TMEM132B: variants seen among roughly 807,000 people sequenced by gnomAD.
TMEM132B encodes transmembrane protein 132B.
In TMEM132B, 18 loss-of-function variants were observed where a neutral mutation model predicts 90.8. That is an observed-to-expected ratio of 0.20 (90% CI 0.14 to 0.29). TMEM132B has a LOEUF of 0.29. TMEM132B is among the 10% of genes least tolerant of loss of function. The pLI, the probability that TMEM132B is intolerant of heterozygous loss-of-function variation, is 1.00. For missense variants in TMEM132B, 1,096 were observed against 1,326.8 expected (o/e 0.83, Z 2.70); for synonymous variants, 504 against 523.3 (o/e 0.96, Z 0.50).
At chr12:125,228,034 C>T (rs1873720659) in intron 1 of TMEM132B, among the ~76,000 whole-genome samples, 1 of 152,182 alleles carries the variant, frequency 6.6e-6, no homozygotes, top group Non-Finnish European at 1.5e-5. Flanking sequence ...CACGATGCTT[C>T]CTGGAATCAT....
intron 2 of TMEM132B, among the ~76,000 whole-genome samples, chr12:125,377,602 A>G (rs533209431): frequency 1.2e-4 from 18 of 152,318 alleles, no homozygotes; most frequent in Middle Eastern, 3.4e-3. Flanking sequence ...AGCTCAGAAC[A>G]GGGCCTGGCT....
intron 1 of TMEM132B, among the ~76,000 whole-genome samples, chr12:125,222,596 G>C (rs1873585396): frequency 6.6e-6 from 1 of 152,212 alleles, no homozygotes; most frequent in Non-Finnish European, 1.5e-5. Context: ...GAAAATACTT[G>C]CCAATGAACT....
At chr12:125,510,564 C>T (rs745340225) in intron 3 of TMEM132B, among the ~76,000 whole-genome samples, 9 of 152,080 alleles carry the variant, frequency 5.9e-5, no homozygotes, top group Admixed American at 2.6e-4. Context: ...TCTATGTTTA[C>T]GTAAAATATT....
intron 4 of TMEM132B, among the ~76,000 whole-genome samples, chr12:125,542,249 A>G (rs566604722): frequency 6.6e-6 from 1 of 152,304 alleles, no homozygotes; most frequent in African/African-American, 2.4e-5. Flanking sequence ...GTCTTTCTTC[A>G]AGAGTCTGCT....
At chr12:125,258,010 C>G (rs146826764) in intron 1 of TMEM132B, among the ~76,000 whole-genome samples, 1 of 152,218 alleles carries the variant, frequency 6.6e-6, no homozygotes, top group Non-Finnish European at 1.5e-5. Flanking sequence ...CAATTTGTTA[C>G]AGCAGCTATA....
chr12:125,601,223 C>T (rs1283431753), intron 5 of TMEM132B, among the ~76,000 whole-genome samples: 1 of 152,168 alleles, frequency 6.6e-6, no homozygotes, highest in Non-Finnish European at 1.5e-5. Context: ...GGAAGTAAAA[C>T]ACTCCTCAGC....
chr12:125,639,050 A>G (rs11058277), intron 5 of TMEM132B, among the ~76,000 whole-genome samples: 33,930 of 152,070 alleles, frequency 0.22, 4,269 homozygotes, highest in Admixed American at 0.37. Context: ...TTTGGTTTTC[A>G]ATGTTCCTCT....
intron 4 of TMEM132B, among the ~76,000 whole-genome samples, chr12:125,563,848 C>T (rs899496191): frequency 6.6e-6 from 1 of 152,112 alleles, no homozygotes; most frequent in Non-Finnish European, 1.5e-5. Context: ...AGTTATGCTA[C>T]CAGAAGCCAA....
At position 125,500,407 on chromosome 12, in the gene TMEM132B, C is replaced by A. The variant is rs562498301; in HGVS notation, c.1107-19032C>A. Among the ~76,000 whole-genome samples, 3 of 152,256 alleles carry A rather than the reference C, an allele frequency of 2.0e-5. No homozygotes were observed. In the South Asian group the frequency reaches 6.2e-4, roughly 32 times the overall value. ...TGCTGCTAGTAGGACCTCCCCTAAC[C>A]CTGGGGTGACAACTGAAAATGTTTG... On this transcript the variant is annotated intron_variant, in intron 3 of 8. Transcript: ENST00000682704.
intron 5 of TMEM132B, among the ~76,000 whole-genome samples, chr12:125,641,464 G>C (rs1295424032): frequency 6.6e-6 from 1 of 152,180 alleles, no homozygotes; most frequent in Admixed American, 6.5e-5. Flanking sequence ...TACTCAGTAT[G>C]ATTAGCCTTA....
intron 2 of TMEM132B, among the ~76,000 whole-genome samples, chr12:125,385,467 A>G (rs1003265015): frequency 2.6e-5 from 4 of 152,130 alleles, no homozygotes; most frequent in African/African-American, 4.8e-5. Context: ...TGTGGACCCT[A>G]TTGTTGGAGG....
rs1178538296 is a variant in TMEM132B, at chr12:125,584,342, AT to A, written c.1437+354del. On this transcript the variant is annotated intron_variant, in intron 5 of 8. Coordinates refer to ENST00000682704, the MANE Select transcript of TMEM132B (RefSeq NM_001366854.1). ...TTAGCAATCCAAATAAGACCTTCTC[AT>A]TTTTTGCAAACTCACTGTGCCTAAT... The A allele has an allele frequency of 3.8e-5, 9 of 235,758 alleles. No individual in the cohort carries two copies. The South Asian group carries it at 5.9e-4, about 15-fold the overall frequency. 14.6% of individuals were successfully genotyped at this position (235,758 alleles called of 1,614,324 possible).
intron 2 of TMEM132B, among the ~76,000 whole-genome samples, chr12:125,405,430 T>C (rs1432889545): frequency 6.6e-6 from 1 of 152,224 alleles, no homozygotes; most frequent in East Asian, 1.9e-4. Context: ...TGTGGCTCAA[T>C]AAGGTCACAT....
chr12:125,432,525 A>ATG (rs1234534573), intron 3 of TMEM132B, among the ~76,000 whole-genome samples: 9 of 71,422 alleles, frequency 1.3e-4, no homozygotes, highest in South Asian at 5.7e-4. Context: ...ATATATATAT[A>ATG]TATAGAGAGA....
intron 3 of TMEM132B, among the ~76,000 whole-genome samples, chr12:125,499,333 A>C (rs111816145): frequency 0.031 from 4,795 of 152,258 alleles, 144 homozygotes; most frequent in African/African-American, 0.079. Context: ...TATAGGGAGA[A>C]CCCCTGAGAC....
At chr12:125,377,484 G>A (rs1042954962) in intron 2 of TMEM132B, among the ~76,000 whole-genome samples, 2 of 152,200 alleles carry the variant, frequency 1.3e-5, no homozygotes, top group Admixed American at 6.5e-5. Flanking sequence ...TCTCATGCAT[G>A]TCGTGTGCCT....
chr12:125,543,389 T>G (rs138979537), intron 4 of TMEM132B, among the ~76,000 whole-genome samples: 12 of 152,374 alleles, frequency 7.9e-5, no homozygotes, highest in African/African-American at 2.6e-4. Flanking sequence ...TAACAACTAT[T>G]TACATAAAAT....
In TMEM132B at chr12:125,644,225, A is replaced by G. The variant is rs537472086; in HGVS notation, c.1587A>G (p.Ser529=). ...GGCTCCCCCTGCAGATTGAGATCTCAGACACCGAGCTGAGCCAGATCAAGG... is the reference window on the plus strand; with the variant it reads ...GGCTCCCCCTGCAGATTGAGATCTCGGACACCGAGCTGAGCCAGATCAAGG... The part of the protein sequence containing the change: ...APRLPLQIEI[S]DTELSQIKGW... The change falls in exon 6 of 9, where the codon TCA becomes TCG. Residue 529 remains serine (S), a synonymous_variant. Transcript: ENST00000682704. The G allele has an allele frequency of 6.2e-6, 10 of 1,614,002 alleles. No homozygotes were observed. Among genetic ancestry groups the G allele is most frequent in the Non-Finnish European group, 8.5e-6 (10 of 1,179,976 alleles).
intron 3 of TMEM132B, among the ~76,000 whole-genome samples, chr12:125,477,081 C>A (rs1359010439): frequency 6.6e-6 from 1 of 152,142 alleles, no homozygotes; most frequent in Non-Finnish European, 1.5e-5. Flanking sequence ...GAAAACATTA[C>A]TGCAATTCTG....
Sources: allele counts gnomAD v4.1 joint callset (sites outside exome capture counted in the v4.1 genomes callset), GRCh38; gene constraint gnomAD v4.1.1; transcripts MANE v1.5; gene names NCBI Gene and HGNC (gene_info 2026-07-23, HGNC 2026-07-21).